GPHN: variants seen among roughly 807,000 people sequenced by gnomAD.
GPHN encodes the protein gephyrin.
GPHN carries 17 observed loss-of-function variants against 95.5 expected under a neutral mutation model. The observed-to-expected ratio is 0.18, with a 90% confidence interval of 0.12 to 0.27. The LOEUF is 0.27. Ranked by LOEUF, GPHN falls within the 10% of genes least tolerant of loss-of-function variation. The probability of loss-of-function intolerance (pLI) is 1.00; values close to 1 mark genes in which losing one functional copy is unlikely to be tolerated. For synonymous variants in GPHN, 320 were observed against 322.5 expected, an observed-to-expected ratio of 0.99 and a Z score of 0.08; for missense variants, 660 against 978.1, an observed-to-expected ratio of 0.67 and a Z score of 4.34.
the GPHN span, among the ~76,000 whole-genome samples, chr14:67,654,368 C>T: frequency 6.6e-6 from 1 of 152,130 alleles, no homozygotes; most frequent in Non-Finnish European, 1.5e-5. Flanking sequence ...GTTTCAAACT[C>T]CTAGGCTCAA....
At chr14:66,972,527 AC>A in intron 9 of GPHN, among the ~76,000 whole-genome samples, 1 of 152,080 alleles carries the variant, frequency 6.6e-6, no homozygotes, top group East Asian at 1.9e-4. Context: ...CCTTGAGACA[AC>A]CACCATCCTT....
the GPHN span, chr14:67,583,925 G>A: frequency 6.2e-7 from 1 of 1,611,716 alleles, no homozygotes. Context: ...ACTGTGGGGA[G>A]GTCTCAGGCC....
intron 8 of GPHN, among the ~76,000 whole-genome samples, chr14:66,950,734 A>G (rs968259421): frequency 2.0e-5 from 3 of 152,162 alleles, no homozygotes; most frequent in African/African-American, 7.2e-5. Context: ...CACTCACTAA[A>G]AAAAGAAAAT....
At chr14:66,934,997 C>A (rs2067032585) in intron 8 of GPHN, among the ~76,000 whole-genome samples, 1 of 151,896 alleles carries the variant, frequency 6.6e-6, no homozygotes, top group Non-Finnish European at 1.5e-5. Flanking sequence ...GTAAAAAAAC[C>A]TGATTCAAGA....
the GPHN span, chr14:67,345,634 T>C: frequency 1.8e-6 from 1 of 570,386 alleles, no homozygotes; most frequent in African/African-American, 1.9e-5. Flanking sequence ...CAAAATATTA[T>C]GTTTGCTTTA....
At chr14:66,979,581 G>A (rs2070508738) in intron 9 of GPHN, among the ~76,000 whole-genome samples, 1 of 152,200 alleles carries the variant, frequency 6.6e-6, no homozygotes, top group African/African-American at 2.4e-5. Context: ...TGGCTTTAAG[G>A]ACTGTTGTGA....
At chr14:67,507,168 T>C in the GPHN span, among the ~76,000 whole-genome samples, 2 of 152,016 alleles carry the variant, frequency 1.3e-5, no homozygotes, top group Admixed American at 6.6e-5. Context: ...TCGCTAACAC[T>C]GAGTTGCCCA....
rs144849341 is a variant in GPHN at position 66,689,935 on chromosome 14, T to C, written c.143+8750T>C. On this transcript the variant is annotated intron_variant, in intron 2 of 22. Coordinates refer to ENST00000478722, the MANE Select transcript of GPHN (RefSeq NM_020806.5). Reference sequence around the variant, plus strand: ...TTTTTATCTTGGTTTATTTGGGTCTTTTCTCTTTTTGTCTTCGTTGGTCTA... The same window carrying C: ...TTTTTATCTTGGTTTATTTGGGTCTCTTCTCTTTTTGTCTTCGTTGGTCTA... Among the ~76,000 whole-genome samples, 550 of 152,160 alleles carry C rather than the reference T, an allele frequency of 3.6e-3. 11 individuals carry two copies. The highest frequency in any genetic ancestry group is 0.013 in the African/African-American group (524 of 41,562).
At chr14:67,089,125 C>CTTTTTTTGTTTTTTTTTTTTTT in intron 12 of GPHN, 50 bp downstream of exon 12, 1 of 326,490 alleles carries the variant, frequency 3.1e-6, no homozygotes, top group Non-Finnish European at 6.0e-6. Context: ...ATTTTTTTTT[C>CTTTTTTTGTTTTTTTTTTTTTT]TTTTTTTCTT....
At chr14:67,729,935 CA>C in the GPHN span, 1 of 409,650 alleles carries the variant, frequency 2.4e-6, no homozygotes, top group Middle Eastern at 4.4e-4. Flanking sequence ...CATTCCATGA[CA>C]GAATCCAGCC....
intron 3 of GPHN, among the ~76,000 whole-genome samples, chr14:66,781,705 T>C (rs1275019525): frequency 6.6e-6 from 1 of 152,232 alleles, no homozygotes; most frequent in African/African-American, 2.4e-5. Flanking sequence ...ATTCATGTTA[T>C]TGACTGTAAC....
intron 1 of GPHN, among the ~76,000 whole-genome samples, chr14:66,629,416 A>G (rs939525395): frequency 1.3e-5 from 2 of 151,692 alleles, no homozygotes; most frequent in African/African-American, 4.8e-5. Flanking sequence ...GTCTCACTAA[A>G]TAACACCTGT....
chr14:67,578,530 G>C, the GPHN span: 1 of 1,601,770 alleles, frequency 6.2e-7, no homozygotes, highest in Non-Finnish European at 8.5e-7. This position sits in a 1 kb window ranked among gnomAD's most constrained non-coding sequence, Gnocchi z 5.0. Context: ...TGTGTCCCTG[G>C]CAGTGCTGGC....
At chr14:67,324,181 C>T in the GPHN span, among the ~76,000 whole-genome samples, 7 of 152,160 alleles carry the variant, frequency 4.6e-5, no homozygotes, top group African/African-American at 1.7e-4. Flanking sequence ...CTTTTTATCC[C>T]ACTGAAACTT....
intron 9 of GPHN, chr14:66,996,204 T>G (rs1567193630): frequency 1.3e-6 from 2 of 1,531,190 alleles, no homozygotes; most frequent in Non-Finnish European, 1.7e-6. Flanking sequence ...CTCATCTACC[T>G]ATAGTGTATC....
At chr14:67,469,547 A>G in the GPHN span, among the ~76,000 whole-genome samples, 16,905 of 149,494 alleles carry the variant, frequency 0.11, 992 homozygotes, top group Middle Eastern at 0.13. Context: ...CAGCCTCTCA[A>G]AGTGCTGGGT....
the GPHN span, among the ~76,000 whole-genome samples, chr14:67,568,776 G>T: frequency 1.3e-5 from 2 of 152,052 alleles, no homozygotes; most frequent in African/African-American, 4.8e-5. Flanking sequence ...TCTCTAAAAC[G>T]GGTAGGATTC....
At chr14:67,052,123 T>G (rs571030911) in intron 10 of GPHN, among the ~76,000 whole-genome samples, 82 of 152,228 alleles carry the variant, frequency 5.4e-4, no homozygotes, top group Middle Eastern at 3.4e-3. Context: ...ACCTTAAATG[T>G]AAATGAGCTA....
the GPHN span, among the ~76,000 whole-genome samples, chr14:67,660,381 G>A: frequency 6.6e-6 from 1 of 151,884 alleles, no homozygotes; most frequent in South Asian, 2.1e-4. Flanking sequence ...GCACAGCCTG[G>A]GCAACATAGC....
Sources: allele counts gnomAD v4.1 joint callset (sites outside exome capture counted in the v4.1 genomes callset), GRCh38; gene constraint gnomAD v4.1.1; non-coding constraint Gnocchi (gnomAD v3.1); transcripts MANE v1.5; gene names NCBI Gene and HGNC (gene_info 2026-07-23, HGNC 2026-07-21).